B2M: variants seen among roughly 807,000 people sequenced by gnomAD.
B2M encodes beta chain of MHC class I molecules.
A neutral mutation model predicts 14.5 loss-of-function variants in B2M; 3 were observed. The observed-to-expected ratio is 0.21, with a 90% CI of 0.09 to 0.53. The LOEUF (loss-of-function observed/expected upper bound fraction) is 0.53, where lower values mean the gene tolerates loss of function less well. Ranked by LOEUF, B2M falls within the 20% of genes least tolerant of loss-of-function variation. The pLI is 0.95. For missense variants in B2M, 107 were observed against 140.8 expected, an observed-to-expected ratio of 0.76 and a Z score of 1.21; for synonymous variants, 45 against 52.7, an observed-to-expected ratio of 0.85 and a Z score of 0.64.
At chr15:44,717,382 C>A (rs1483879559) in intron 3 of B2M, 1 of 152,136 alleles carries the variant, frequency 6.6e-6, no homozygotes, top group Non-Finnish European at 1.5e-5. Flanking sequence ...TATATACAGT[C>A]CATCATTGAC....
intron 1 of B2M, chr15:44,713,742 C>T (rs2086912646): frequency 6.6e-6 from 1 of 152,134 alleles, no homozygotes; most frequent in African/African-American, 2.4e-5. Context: ...TTATTAGAAG[C>T]TCAGATGCAA....
intron 2 of B2M, chr15:44,716,113 C>A (rs1487528385): frequency 1.6e-6 from 1 of 626,950 alleles, no homozygotes. Flanking sequence ...TCCTATAATC[C>A]TGGACTTCTC....
chr15:44,712,102 T>G, intron 1 of B2M: 1 of 308,972 alleles, frequency 3.2e-6, no homozygotes, highest in Non-Finnish European at 6.4e-6. Flanking sequence ...TCTGCTTCCC[T>G]TAGACTGGAG....
chr15:44,713,183 T>C (rs1901531), intron 1 of B2M: 19,845 of 152,110 alleles, frequency 0.13, 1,753 homozygotes, highest in Non-Finnish European at 0.19. Flanking sequence ...CCTTTTCCTC[T>C]GGCAAAACAT....
chr15:44,712,630 C>A (rs911545168), intron 1 of B2M: 1 of 152,230 alleles, frequency 6.6e-6, no homozygotes, highest in Non-Finnish European at 1.5e-5. Flanking sequence ...GTGGTCTTTT[C>A]GTACAGAGGG....
intron 1 of B2M, chr15:44,715,082 T>C (rs2141288288): frequency 4.8e-6 from 2 of 412,580 alleles, no homozygotes; most frequent in Non-Finnish European, 9.0e-6. Flanking sequence ...CTATGAGTGC[T>C]GAGAGGGCAT....
chr15:44,715,882 C>A, intron 2 of B2M, 181 bp downstream of exon 2: 1 of 806,890 alleles, frequency 1.2e-6, no homozygotes, highest in Non-Finnish European at 2.0e-6. Context: ...AGATTAGTGG[C>A]ACCTGCTGAG....
intron 1 of B2M, chr15:44,711,927 G>A: frequency 1.9e-6 from 1 of 536,364 alleles, no homozygotes; most frequent in Non-Finnish European, 3.4e-6. Flanking sequence ...GGTTGGGGGA[G>A]GGTTTCTCTT....
At chr15:44,715,200 G>A (rs918341281) in intron 1 of B2M, 1 of 614,914 alleles carries the variant, frequency 1.6e-6, no homozygotes, top group African/African-American at 1.8e-5. Flanking sequence ...AAAAAGGCAT[G>A]TATAGAGGAA....
At chr15:44,715,800 C>T in intron 2 of B2M, 99 bp downstream of exon 2, 1 of 1,382,726 alleles carries the variant, frequency 7.2e-7, no homozygotes, top group South Asian at 1.2e-5. Context: ...CCATACTACC[C>T]TGAATGAGTC....
Position 44,715,689 on chromosome 15 carries a change from A to G in B2M, c.334A>G (p.Ile112Val), listed in dbSNP as rs1397849799. 2 of 1,614,190 alleles carry G rather than the reference A, an allele frequency of 1.2e-6. No individual in the cohort carries two copies. The highest frequency in any genetic ancestry group is 1.3e-5 in the African/African-American group (1 of 75,040). The change falls in exon 2 of 4, where the codon ATA (isoleucine) becomes GTA (valine). Residue 112 changes from isoleucine to valine, a missense_variant. Physicochemically the swap from Ile to Val is conservative, Grantham distance 29. Transcript: ENST00000648006. The part of the protein sequence containing the change: ...VNHVTLSQPK[I>V]VKWDRDM ...CCATGTGACTTTGTCACAGCCCAAG[A>G]TAGTTAAGTGGGGTAAGTCTTACAT... is the stretch of plus-strand genomic sequence containing the variant.
chr15:44,711,703 C>A, intron 1 of B2M, 90 bp downstream of exon 1: 3 of 1,468,656 alleles, frequency 2.0e-6, no homozygotes, highest in Non-Finnish European at 2.8e-6. Flanking sequence ...TCCGTGACTT[C>A]CCTTCTCCAA....
At chr15:44,714,661 G>A (rs888241771) in intron 1 of B2M, 2 of 152,278 alleles carry the variant, frequency 1.3e-5, no homozygotes, top group Non-Finnish European at 2.9e-5. Flanking sequence ...GAACCCAGGA[G>A]GCGGAGGTTG....
intron 1 of B2M, chr15:44,713,715 C>T (rs1214691213): frequency 6.6e-6 from 1 of 152,182 alleles, no homozygotes; most frequent in Non-Finnish European, 1.5e-5. Context: ...ATCCCTGAGG[C>T]ATTTAATATG....
intron 3 of B2M, 43 bp downstream of exon 3, chr15:44,716,399 T>C (rs2086942199): frequency 3.2e-6 from 5 of 1,545,958 alleles, no homozygotes; most frequent in Non-Finnish European, 4.5e-6. Context: ...TTCACTGTCC[T>C]GAGGACTATT....
At chr15:44,717,259 T>C (rs2086952441) in intron 3 of B2M, 1 of 152,242 alleles carries the variant, frequency 6.6e-6, no homozygotes, top group African/African-American at 2.4e-5. Context: ...CTGTACAGCC[T>C]GTTACTGTAC....
At chr15:44,717,233 C>G (rs1350513016) in intron 3 of B2M, 1 of 152,160 alleles carries the variant, frequency 6.6e-6, no homozygotes, top group Non-Finnish European at 1.5e-5. Flanking sequence ...TAGCCTATTG[C>G]TCCTAGACTA....
chr15:44,712,500 C>T (rs1242540910), intron 1 of B2M, among the ~76,000 whole-genome samples: 1 of 152,180 alleles, frequency 6.6e-6, no homozygotes, highest in Non-Finnish European at 1.5e-5. Flanking sequence ...TGAAGTCAAG[C>T]CTAACCAGGG....
intron 2 of B2M, 195 bp downstream of exon 2, chr15:44,715,896 C>G (rs1319013640): frequency 1.4e-6 from 1 of 730,524 alleles, no homozygotes; most frequent in Admixed American, 2.2e-5. Context: ...TGCTGAGATA[C>G]TGATGCACAG....
Sources: allele counts gnomAD v4.1 joint callset (sites outside exome capture counted in the v4.1 genomes callset), GRCh38; gene constraint gnomAD v4.1.1; transcripts MANE v1.5; gene names NCBI Gene and HGNC (gene_info 2026-07-23, HGNC 2026-07-21).